Variants in FILIP1L observed in about 807,000 individuals in gnomAD.
FILIP1L encodes the protein filamin A-interacting protein 1-like.
A neutral mutation model predicts 96.6 loss-of-function variants in FILIP1L; 55 were observed. The ratio of observed to expected loss-of-function variants is 0.57; its 90% CI spans 0.46 to 0.71. The LOEUF (loss-of-function observed/expected upper bound fraction) is 0.71, where lower values mean the gene tolerates loss of function less well. Ranked by LOEUF, FILIP1L falls within the 30% of genes least tolerant of loss-of-function variation. FILIP1L has a pLI of 0.00. For synonymous variants in FILIP1L, 467 were observed against 473.9 expected (o/e 0.99, Z 0.19); for missense variants, 1,304 against 1,321.2 (o/e 0.99, Z 0.20).
chr3:100,098,762 A>G (rs1000212201), intron 1 of FILIP1L, among the ~76,000 whole-genome samples: 6 of 152,250 alleles, frequency 3.9e-5, no homozygotes, highest in African/African-American at 1.4e-4. Flanking sequence ...ATGAAAACAA[A>G]CCATTAGCAA....
Position 99,850,232 on chromosome 3 carries a change from T to C in FILIP1L, c.1444A>G (p.Thr482Ala). ...LEAIESRLEK[T>A]EFTLKEDLTK... The stretch of plus-strand genomic sequence containing the variant: ...AAATCCTCTTTTAGAGTGAATTCTG[T>C]CTTTTCTAGCCGACTTTCAATGGCT... Residue 482 changes from threonine (T) to alanine (A), a missense_variant, in exon 5 of 6, where the codon ACA (threonine) becomes GCA (alanine). Thr to Ala is a moderately conservative substitution (Grantham distance 58). Coordinates refer to ENST00000477258, the MANE Select transcript of FILIP1L (RefSeq NM_001387850.1). 1.2e-6 allele frequency: 2 copies of C among 1,613,702 alleles called. No individual in the cohort carries two copies. Among genetic ancestry groups the C allele is most frequent in the Non-Finnish European group, 1.7e-6 (2 of 1,180,024 alleles).
chr3:99,868,819 A>G (rs1463779771), intron 4 of FILIP1L, among the ~76,000 whole-genome samples: 2 of 152,182 alleles, frequency 1.3e-5, no homozygotes, highest in East Asian at 3.9e-4. Flanking sequence ...TAACTTGTCT[A>G]ACCCTGGCTG....
chr3:100,015,007 A>G (rs959236733), intron 1 of FILIP1L, among the ~76,000 whole-genome samples: 2 of 135,320 alleles, frequency 1.5e-5, no homozygotes, highest in African/African-American at 5.6e-5. Flanking sequence ...TTTTTCATCT[A>G]GTAGTTTTAT....
In FILIP1L at chr3:99,930,792, T is replaced by C. The variant is rs1707453420; in HGVS notation, c.229A>G (p.Ser77Gly). ...ACCTGCAGTTCTCCCTCCAGAATGCTGAGGAGAAATAACAGGTCATCTCTT... is the reference window on the plus strand; with the variant it reads ...ACCTGCAGTTCTCCCTCCAGAATGCCGAGGAGAAATAACAGGTCATCTCTT... ...LSRDDLLFLL[S>G]ILEGELQARD... The change falls in exon 2 of 6, where the codon AGC (serine) becomes GGC (glycine). Residue 77 changes from serine to glycine, a missense_variant. Transcript: ENST00000477258. 2 of 1,613,228 alleles carry C rather than the reference T, an allele frequency of 1.2e-6. No individual in the cohort carries two copies. Among genetic ancestry groups the C allele is most frequent in the East Asian group, 2.2e-5 (1 of 44,784 alleles).
intron 1 of FILIP1L, among the ~76,000 whole-genome samples, chr3:99,959,731 A>T (rs1401471145): frequency 6.6e-6 from 1 of 152,222 alleles, no homozygotes; most frequent in Non-Finnish European, 1.5e-5. Flanking sequence ...ATGAGTCTCC[A>T]CTGGATTATC....
intron 1 of FILIP1L, among the ~76,000 whole-genome samples, chr3:99,942,848 CAA>C (rs1707891812): frequency 6.6e-6 from 1 of 150,906 alleles, no homozygotes. Context: ...AACTGAAAAA[CAA>C]GAGGTGATTT....
intron 5 of FILIP1L, among the ~76,000 whole-genome samples, chr3:99,838,349 G>T (rs1227648954): frequency 1.3e-5 from 2 of 152,180 alleles, no homozygotes; most frequent in African/African-American, 4.8e-5. Flanking sequence ...TGGAAGGAGA[G>T]GCAAATCACT....
intron 4 of FILIP1L, among the ~76,000 whole-genome samples, chr3:99,913,207 A>G (rs750170227): frequency 2.0e-5 from 3 of 152,146 alleles, no homozygotes; most frequent in Non-Finnish European, 4.4e-5. Context: ...AAGCCACCCA[A>G]TCTCTGGTAT....
At chr3:100,088,593 C>G (rs943138135) in intron 1 of FILIP1L, among the ~76,000 whole-genome samples, 2 of 152,224 alleles carry the variant, frequency 1.3e-5, no homozygotes, top group Non-Finnish European at 2.9e-5. Flanking sequence ...TCAAAGCACA[C>G]CAGTTTCCTC....
intron 1 of FILIP1L, among the ~76,000 whole-genome samples, chr3:100,093,419 A>G (rs1024977727): frequency 9.9e-5 from 15 of 152,278 alleles, no homozygotes; most frequent in Admixed American, 8.5e-4. Flanking sequence ...ATATACTTAC[A>G]TTATTTTTCT....
rs796142082 is a variant in FILIP1L, at chr3:99,983,492, A to G, written c.-10-52462T>C. On this transcript the variant is annotated intron_variant, in intron 1 of 5. Coordinates refer to ENST00000477258, the MANE Select transcript of FILIP1L (RefSeq NM_001387850.1). ...TATATATATATATATATATATATAT[A>G]TATATATATATATATATGTATATAT... Among the ~76,000 whole-genome samples, 304 of 110,662 alleles carry G rather than the reference A, an allele frequency of 2.7e-3. 14 individuals are homozygous for G. The highest frequency in any genetic ancestry group is 0.01 in the African/African-American group (279 of 27,102). The allele number at this position is 110,662 out of a possible 152,430, so 72.6% of individuals were successfully genotyped here.
intron 1 of FILIP1L, among the ~76,000 whole-genome samples, chr3:99,969,084 G>A (rs1458101755): frequency 5.3e-5 from 8 of 152,116 alleles, no homozygotes; most frequent in Admixed American, 3.3e-4. Context: ...AATGGAGCTC[G>A]GTCCTGGGAG....
intron 1 of FILIP1L, among the ~76,000 whole-genome samples, chr3:100,034,969 G>A (rs1559733893): frequency 6.6e-6 from 1 of 152,234 alleles, no homozygotes; most frequent in Middle Eastern, 3.4e-3. Context: ...AACAACTTGG[G>A]ATGTCAAGAA....
intron 4 of FILIP1L, among the ~76,000 whole-genome samples, chr3:99,922,016 G>C (rs929452042): frequency 7.2e-5 from 11 of 152,132 alleles, no homozygotes. Flanking sequence ...GAGATACACA[G>C]TGAATATCAG....
chr3:100,008,361 C>G (rs965084557), intron 1 of FILIP1L, among the ~76,000 whole-genome samples: 8 of 152,148 alleles, frequency 5.3e-5, no homozygotes, highest in Non-Finnish European at 8.8e-5. Flanking sequence ...AGAAAAAAAG[C>G]AGCCAAAGTT....
Position 99,910,746 on chromosome 3 carries a change from C to T in FILIP1L, c.605+13484G>A, listed in dbSNP as rs190961167. ...CCCAAATAGTTACCCATACTCTTCT[C>T]AGAACCCTCATGCAAGAAAGTAGAT... On this transcript the variant is annotated intron_variant, in intron 4 of 5. Coordinates refer to ENST00000477258, the MANE Select transcript of FILIP1L (RefSeq NM_001387850.1). Among the ~76,000 whole-genome samples, 50 of 83,740 alleles carry T rather than the reference C, an allele frequency of 6.0e-4. 3 individuals are homozygous for T. Among genetic ancestry groups the T allele is most frequent in the African/African-American group, 1.6e-3 (50 of 32,106 alleles). The allele number at this position is 83,740 out of a possible 152,430, so 54.9% of individuals were successfully genotyped here. A position where few individuals can be genotyped will look rare whatever the true frequency, so the allele number is the denominator to read the frequency against.
rs1576507953 is a variant in FILIP1L at position 99,848,433 on chromosome 3, G to A, written c.3243C>T (p.Ala1081=). 1.2e-6 allele frequency: 2 copies of A among 1,614,136 alleles called. No individual in the cohort carries two copies. The highest frequency in any genetic ancestry group is 8.5e-7 in the Non-Finnish European group (1 of 1,180,008). ...MQAVASPVRP[A]SPSAPLQDNR... The stretch of plus-strand genomic sequence containing the variant: ...TATCCTGCAGTGGTGCTGAAGGGCT[G>A]GCAGGTCTCACAGGGCTGGCTACAG... Residue 1081 remains alanine, a synonymous_variant, in exon 5 of 6, where the codon GCC becomes GCT. Coordinates refer to ENST00000477258, the MANE Select transcript of FILIP1L (RefSeq NM_001387850.1).
chr3:99,914,518 T>C (rs1437330149), intron 4 of FILIP1L, among the ~76,000 whole-genome samples: 2 of 152,242 alleles, frequency 1.3e-5, no homozygotes. Flanking sequence ...ATTCACTTTA[T>C]ACTCTTTACA....
chr3:99,938,575 C>G (rs1707761319), intron 1 of FILIP1L, among the ~76,000 whole-genome samples: 1 of 152,144 alleles, frequency 6.6e-6, no homozygotes, highest in Non-Finnish European at 1.5e-5. Context: ...ACTTGCATTT[C>G]CCCCTATCTT....
Sources: allele counts gnomAD v4.1 joint callset (sites outside exome capture counted in the v4.1 genomes callset), GRCh38; gene constraint gnomAD v4.1.1; transcripts MANE v1.5; gene names NCBI Gene and HGNC (gene_info 2026-07-23, HGNC 2026-07-21).